EIF2B3: variants seen among roughly 807,000 people sequenced by gnomAD.
EIF2B3 encodes eukaryotic translation initiation factor 2B subunit gamma.
Under a neutral mutation model 54.1 loss-of-function variants are expected in EIF2B3, and 20 were observed. The ratio of observed to expected loss-of-function variants is 0.37; its 90% CI spans 0.26 to 0.54. The LOEUF (loss-of-function observed/expected upper bound fraction) is 0.54. EIF2B3 is among the 20% of genes least tolerant of loss of function. EIF2B3 has a pLI of 0.86. For missense variants in EIF2B3, 448 were observed against 547.8 expected (o/e 0.82, Z 1.82); for synonymous variants, 153 against 188.1 (o/e 0.81, Z 1.52).
At chr1:44,939,404 T>A (rs894831293) in intron 4 of EIF2B3, among the ~76,000 whole-genome samples, 1 of 152,130 alleles carries the variant, frequency 6.6e-6, no homozygotes, top group Non-Finnish European at 1.5e-5. Flanking sequence ...TGAAAACATT[T>A]AAAAATGGAT....
intron 5 of EIF2B3, among the ~76,000 whole-genome samples, chr1:44,924,404 GTTTT>G (rs1643812389): frequency 1.3e-5 from 2 of 151,100 alleles, no homozygotes; most frequent in African/African-American, 4.9e-5. Flanking sequence ...TTGTTTGTTT[GTTTT>G]TGTTTGTTTT....
At chr1:44,930,270 T>G (rs776848212) in intron 4 of EIF2B3, among the ~76,000 whole-genome samples, 2 of 152,186 alleles carry the variant, frequency 1.3e-5, no homozygotes, top group Non-Finnish European at 2.9e-5. Context: ...ATGATCCTGA[T>G]GCCAAAACCA....
At chr1:44,928,036 C>T (rs1405169046) in intron 4 of EIF2B3, among the ~76,000 whole-genome samples, 1 of 151,930 alleles carries the variant, frequency 6.6e-6, no homozygotes, top group East Asian at 1.9e-4. Context: ...GTGGCATGCA[C>T]CTATAGTGAG....
intron 10 of EIF2B3, among the ~76,000 whole-genome samples, chr1:44,869,240 G>A (rs1400691720): frequency 6.6e-6 from 1 of 152,126 alleles, no homozygotes; most frequent in African/African-American, 2.4e-5. Context: ...CACTTTGGGA[G>A]GCTGAGACAG....
intron 8 of EIF2B3, among the ~76,000 whole-genome samples, chr1:44,877,217 A>AAAAAC (rs1655221363): frequency 6.7e-6 from 1 of 149,316 alleles, no homozygotes; most frequent in Non-Finnish European, 1.5e-5. Context: ...AAAAAAAAAA[A>AAAAAC]AAAAACACCT....
At chr1:44,977,997 T>C (rs1644469989) in intron 3 of EIF2B3, among the ~76,000 whole-genome samples, 1 of 152,110 alleles carries the variant, frequency 6.6e-6, no homozygotes, top group Non-Finnish European at 1.5e-5. Flanking sequence ...CCCAGCACTT[T>C]GGAAGGCCGA....
At chr1:44,945,613 G>A (rs928774792) in intron 3 of EIF2B3, among the ~76,000 whole-genome samples, 2 of 148,440 alleles carry the variant, frequency 1.3e-5, no homozygotes, top group South Asian at 4.2e-4. Context: ...CCCTACACCT[G>A]CAACTCACCA....
At chr1:44,972,272 C>CACACAT (rs1553180666) in intron 3 of EIF2B3, among the ~76,000 whole-genome samples, 169 of 58,548 alleles carry the variant, frequency 2.9e-3, no homozygotes, top group Middle Eastern at 0.014. Context: ...CACACATATA[C>CACACAT]ACACACAAAC....
At chr1:44,972,749 C>A (rs1047866669) in intron 3 of EIF2B3, among the ~76,000 whole-genome samples, 3 of 152,030 alleles carry the variant, frequency 2.0e-5, no homozygotes, top group Admixed American at 1.3e-4. Flanking sequence ...CTCACTGCAA[C>A]CTTCACCTCT....
At chr1:44,958,617 G>C in intron 3 of EIF2B3, 1 of 1,513,574 alleles carries the variant, frequency 6.6e-7, no homozygotes, top group Non-Finnish European at 9.1e-7. Flanking sequence ...CAAACTCTAT[G>C]GCTATGCATG....
chr1:44,870,203 A>C (rs1654922474), intron 10 of EIF2B3, among the ~76,000 whole-genome samples: 1 of 151,848 alleles, frequency 6.6e-6, no homozygotes, highest in Admixed American at 6.6e-5. Context: ...AGAGAGAGAG[A>C]GAGAGAATAT....
At chr1:44,966,456 A>G (rs1168936886) in intron 3 of EIF2B3, among the ~76,000 whole-genome samples, 1 of 146,172 alleles carries the variant, frequency 6.8e-6, no homozygotes, top group African/African-American at 2.5e-5. Context: ...AAAAAAAAAA[A>G]GAAGAAGAAG....
intron 4 of EIF2B3, among the ~76,000 whole-genome samples, chr1:44,939,052 A>G (rs916443504): frequency 1.3e-5 from 2 of 148,418 alleles, no homozygotes; most frequent in Admixed American, 1.4e-4. Flanking sequence ...CAGCGAGCCA[A>G]GATTGAGCCA....
chr1:44,901,137 C>T lies in EIF2B3; in HGVS notation c.567-3693G>A, dbSNP rs546924266. ...AAAAAAAAATTTTTTTTTTTTGAGA[C>T]GGAGTTTTGCTCTTGTTGCCCAGGC... On this transcript the variant is annotated intron_variant, in intron 5 of 11. Transcript: ENST00000360403. Among the ~76,000 whole-genome samples, 13 of 151,440 alleles carry T rather than the reference C, an allele frequency of 8.6e-5. No individual in the cohort carries two copies. In the East Asian group the frequency reaches 9.7e-4, roughly 11 times the overall value.
At chr1:44,966,662 T>C (rs1644344403) in intron 3 of EIF2B3, among the ~76,000 whole-genome samples, 1 of 152,138 alleles carries the variant, frequency 6.6e-6, no homozygotes, top group Non-Finnish European at 1.5e-5. Flanking sequence ...TCTGAAAATG[T>C]AGAAAGACCA....
At chr1:44,897,472 G>T (rs1656011424) in intron 5 of EIF2B3, 28 bp from the exon 6 acceptor site, 2 of 1,531,246 alleles carry the variant, frequency 1.3e-6, no homozygotes, top group Non-Finnish European at 8.9e-7. Flanking sequence ...ATAAAAGAAA[G>T]AAAGAAGAGG....
chr1:44,978,621 C>CTTGTTTTT (rs1644478923), intron 2 of EIF2B3, among the ~76,000 whole-genome samples, 161 bp from the exon 3 acceptor site: 1 of 76,634 alleles, frequency 1.3e-5, no homozygotes, highest in African/African-American at 6.5e-5. Context: ...CCAATAAATT[C>CTTGTTTTT]TTTTTTTTTT....
At chr1:44,929,871 C>T (rs1186141784) in intron 4 of EIF2B3, among the ~76,000 whole-genome samples, 1 of 152,186 alleles carries the variant, frequency 6.6e-6, no homozygotes, top group African/African-American at 2.4e-5. Context: ...GCAGCTATTA[C>T]AGTAACTGGG....
intron 1 of EIF2B3, among the ~76,000 whole-genome samples, chr1:44,981,712 G>C (rs1644515221): frequency 6.6e-6 from 1 of 152,072 alleles, no homozygotes; most frequent in African/African-American, 2.4e-5. Flanking sequence ...GAGGTGTGTG[G>C]ATCACATGAG....
Sources: gnomAD v4.1 joint callset for allele counts (sites outside exome capture counted in the v4.1 genomes callset) on GRCh38, gnomAD v4.1.1 for gene constraint, MANE v1.5 for transcripts, NCBI Gene and HGNC (gene_info 2026-07-23, HGNC 2026-07-21) for gene names.